Variants in ABCB11 observed in about 807,000 individuals in gnomAD.
ABCB11 encodes the protein ATP binding cassette subfamily B member 11, also known as bile salt export pump.
A neutral mutation model predicts 148.0 loss-of-function variants in ABCB11; 95 were observed. The ratio of observed to expected loss-of-function variants is 0.64; its 90% CI spans 0.54 to 0.76. The LOEUF (loss-of-function observed/expected upper bound fraction) is 0.76. Ranked by LOEUF, ABCB11 falls within the 30% of genes least tolerant of loss-of-function variation. ABCB11 has a pLI of 0.00. For missense variants in ABCB11, 1,523 were observed against 1,617.8 expected, an observed-to-expected ratio of 0.94 and a Z score of 1.01; for synonymous variants, 591 against 555.4, an observed-to-expected ratio of 1.06 and a Z score of -0.90.
intron 1 of ABCB11, among the ~76,000 whole-genome samples, chr2:169,022,751 T>G (rs1257156879): frequency 2.0e-5 from 3 of 152,096 alleles, no homozygotes; most frequent in Non-Finnish European, 4.4e-5. Flanking sequence ...AATAGGCTTA[T>G]AATTACTTCT....
At chr2:169,005,380 T>TG (rs1397165838) in intron 5 of ABCB11, among the ~76,000 whole-genome samples, 1 of 151,916 alleles carries the variant, frequency 6.6e-6, no homozygotes. Context: ...GCAGCTGCTG[T>TG]GGGGGATGGG....
At position 168,986,090 on chromosome 2, in the gene ABCB11, G is replaced by C. The variant is rs771644733; in HGVS notation, c.1083+20C>G. ...ATACCAGAAGGAAATGCTATGTCTC[G>C]GTCAATAAGTCCAAGGTACCTGGAC... On this transcript the variant is annotated intron_variant, in intron 10 of 27. Transcript: ENST00000650372. The C allele has an allele frequency of 4.6e-6, 7 of 1,526,520 alleles. No individual in the cohort carries two copies. The highest frequency in any genetic ancestry group is 6.2e-6 in the Non-Finnish European group (7 of 1,132,426). The allele number at this position is 1,526,520 out of a possible 1,614,324, so 94.6% of individuals were successfully genotyped here. A position where few individuals can be genotyped will look rare whatever the true frequency, so the allele number is the denominator to read the frequency against.
At chr2:169,019,130 A>G (rs1695461267) in intron 1 of ABCB11, among the ~76,000 whole-genome samples, 1 of 152,112 alleles carries the variant, frequency 6.6e-6, no homozygotes, top group Non-Finnish European at 1.5e-5. Context: ...TGAAGCATCT[A>G]TTCCTTATGA....
intron 26 of ABCB11, among the ~76,000 whole-genome samples, chr2:168,926,663 A>C (rs963974174): frequency 6.6e-6 from 1 of 152,328 alleles, no homozygotes; most frequent in African/African-American, 2.4e-5. Context: ...TGCTTAAAAA[A>C]CTAAGACAGT....
At chr2:168,924,468 TA>T (rs779298408) in intron 27 of ABCB11, among the ~76,000 whole-genome samples, 188 bp downstream of exon 27, 21 of 152,286 alleles carry the variant, frequency 1.4e-4, no homozygotes, top group Middle Eastern at 3.4e-3. Context: ...AAAGGTAAAA[TA>T]TTTTTTTTGA....
In ABCB11 at chr2:169,013,300, G is replaced by T. The variant is rs367611268; in HGVS notation, c.361C>A (p.Gln121Lys). ...TIVWTNSSLN[Q>K]NMTNGTRCGL... ...CAACGTGTTCCATTTGTCATGTTCT[G>T]GTTGAGGGAACTGTTAGTCCATACA... is the stretch of plus-strand genomic sequence containing the variant. Residue 121 changes from glutamine (Q) to lysine (K), a missense_variant, in exon 5 of 28, where the codon CAG (glutamine) becomes AAG (lysine). Physicochemically the swap from Gln to Lys is moderately conservative, Grantham distance 53 (BLOSUM62 1). Coordinates refer to ENST00000650372, the MANE Select transcript of ABCB11 (RefSeq NM_003742.4). The T allele has an allele frequency of 7.4e-6, 12 of 1,612,948 alleles. No individual in the cohort carries two copies. The highest frequency in any genetic ancestry group is 1.6e-4 in the Middle Eastern group (1 of 6,078).
At chr2:169,002,531 A>C (rs1340852235) in intron 5 of ABCB11, among the ~76,000 whole-genome samples, 19 of 152,216 alleles carry the variant, frequency 1.2e-4, no homozygotes, top group Non-Finnish European at 2.8e-4. Context: ...CACAATAGCC[A>C]CCTATGTGTC....
intron 17 of ABCB11, among the ~76,000 whole-genome samples, chr2:168,968,117 A>T (rs1329037756): frequency 9.6e-6 from 1 of 104,518 alleles, no homozygotes; most frequent in African/African-American, 4.3e-5. Context: ...GAGCAGAGGA[A>T]CACTAAACAC....
intron 25 of ABCB11, among the ~76,000 whole-genome samples, chr2:168,927,928 C>T (rs893832081): frequency 9.2e-5 from 14 of 152,232 alleles, no homozygotes; most frequent in African/African-American, 1.4e-4. Flanking sequence ...ATGTCTGCTA[C>T]GTAAAGAAAA....
At chr2:168,980,085 T>G (rs1694084755) in intron 10 of ABCB11, 106 bp from the exon 11 acceptor site, 2 of 634,494 alleles carry the variant, frequency 3.2e-6, no homozygotes, top group South Asian at 1.8e-5. Flanking sequence ...TCAGAAATTC[T>G]CTTCTGTGGG....
intron 11 of ABCB11, 104 bp downstream of exon 11, chr2:168,979,762 C>G (rs924347362): frequency 2.0e-6 from 1 of 504,398 alleles, no homozygotes; most frequent in Non-Finnish European, 3.5e-6. Flanking sequence ...CTTGCGATAG[C>G]TTCTTATATT....
chr2:168,969,319 T>C (rs1481342477), intron 16 of ABCB11, 31 bp downstream of exon 16: 2 of 1,572,656 alleles, frequency 1.3e-6, no homozygotes, highest in Non-Finnish European at 1.7e-6. Flanking sequence ...CTATTTAATA[T>C]AACATACAAG....
intron 3 of ABCB11, among the ~76,000 whole-genome samples, chr2:169,014,846 C>T (rs1037361250): frequency 6.6e-6 from 1 of 152,062 alleles, no homozygotes; most frequent in African/African-American, 2.4e-5. Flanking sequence ...CTTAATATTT[C>T]CCATTCATTT....
At chr2:168,982,755 G>A (rs1694175606) in intron 10 of ABCB11, among the ~76,000 whole-genome samples, 1 of 152,062 alleles carries the variant, frequency 6.6e-6, no homozygotes, top group Non-Finnish European at 1.5e-5. Flanking sequence ...GCTCAGAAGT[G>A]TGGCCAAGAC....
In ABCB11 at chr2:168,923,421, A is replaced by T; in HGVS notation, c.*201T>A. 1 of 622,852 alleles carries T rather than the reference A, an allele frequency of 1.6e-6. No homozygotes were observed. Among genetic ancestry groups the T allele is most frequent in the Non-Finnish European group, 2.8e-6 (1 of 356,212 alleles). 38.6% of individuals were successfully genotyped at this position (622,852 alleles called of 1,614,324 possible). On this transcript the variant is annotated 3_prime_UTR_variant, in exon 28 of 28. Transcript: ENST00000650372. ...AGTTTCTTTCATTTTCTGTATACAC[A>T]TCTAAAGCAGAATTATTATGGAAGG...
Position 168,936,267 on chromosome 2 carries a change from G to A in ABCB11, c.2777C>T (p.Ala926Val). ...ATQTRMLTGFASRDKQALEMV... is the reference protein window; with the variant it reads ...ATQTRMLTGFVSRDKQALEMV... ...CTCCAGGGCCTGCTTATCTCGAGAG[G>A]CAAATCCTGTCAACATCCTGGTCTG... The change falls in exon 22 of 28, where the codon GCC becomes GTC. Residue 926 changes from alanine to valine, a missense_variant. Coordinates refer to ENST00000650372, the MANE Select transcript of ABCB11 (RefSeq NM_003742.4). 1.2e-6 allele frequency: 2 copies of A among 1,613,872 alleles called. No individual in the cohort carries two copies. The highest frequency in any genetic ancestry group is 1.1e-5 in the South Asian group (1 of 91,026).
At position 168,976,617 on chromosome 2, in the gene ABCB11, T is replaced by C. The variant is rs147522210; in HGVS notation, c.1268A>G (p.His423Arg). ...LDRIKGEIEF[H>R]NVTFHYPSRP... is the part of the protein sequence containing the mutation. Reference sequence around the variant, plus strand: ...GGAAGGATAATGGAAGGTCACATTATGGAATTCAATTTCACCCTTGATTCG... The same window carrying C: ...GGAAGGATAATGGAAGGTCACATTACGGAATTCAATTTCACCCTTGATTCG... Residue 423 changes from histidine (H) to arginine (R), a missense_variant, in exon 12 of 28, where the codon CAT becomes CGT. Transcript: ENST00000650372. 231 of 1,609,426 alleles carry C rather than the reference T, an allele frequency of 1.4e-4. No individual in the cohort carries two copies. The highest frequency in any genetic ancestry group is 1.7e-4 in the Non-Finnish European group (203 of 1,176,720).
chr2:168,996,705 C>T lies in ABCB11; in HGVS notation c.407G>A (p.Ser136Asn). The T allele has an allele frequency of 1.9e-6, 3 of 1,564,880 alleles. 1 individual carries two copies. Among genetic ancestry groups the T allele is most frequent in the South Asian group, 2.4e-5 (2 of 83,282 alleles). ...GTAACTGGCAAATTTGATCATTTCG[C>T]TCTCGATGTTCAGCAACCTTCAAAA... The part of the protein sequence containing the change: ...GTRCGLLNIE[S>N]EMIKFASYYA... Residue 136 changes from serine (S) to asparagine (N), a missense_variant, in exon 6 of 28, where the codon AGC (serine) becomes AAC (asparagine). Coordinates refer to ENST00000650372, the MANE Select transcript of ABCB11 (RefSeq NM_003742.4).
At chr2:169,030,594 T>G (rs1467299508) in intron 1 of ABCB11, among the ~76,000 whole-genome samples, 1 of 152,236 alleles carries the variant, frequency 6.6e-6, no homozygotes, top group East Asian at 1.9e-4. Context: ...GTGAATAATA[T>G]TTGATCTCTG....
Sources: gnomAD v4.1 joint callset for allele counts (sites outside exome capture counted in the v4.1 genomes callset) on GRCh38, gnomAD v4.1.1 for gene constraint, MANE v1.5 for transcripts, NCBI Gene and HGNC (gene_info 2026-07-23, HGNC 2026-07-21) for gene names.